Variants in MYO16 observed in about 807,000 individuals in gnomAD.
The protein encoded by MYO16 is unconventional myosin-XVI.
A neutral mutation model predicts 205.3 loss-of-function variants in MYO16; 94 were observed. The ratio of observed to expected loss-of-function variants is 0.46; its 90% CI spans 0.39 to 0.54. The LOEUF (loss-of-function observed/expected upper bound fraction) is 0.54. Ranked by LOEUF, MYO16 falls within the 20% of genes least tolerant of loss-of-function variation. The probability of loss-of-function intolerance (pLI) is 0.00; values close to 1 mark genes in which losing one functional copy is unlikely to be tolerated. For missense variants in MYO16, 2,315 were observed against 2,387.5 expected, an observed-to-expected ratio of 0.97 and a Z score of 0.63; for synonymous variants, 988 against 954.0, an observed-to-expected ratio of 1.04 and a Z score of -0.66.
intron 31 of MYO16, among the ~76,000 whole-genome samples, chr13:109,130,488 CT>C (rs1876481958): frequency 6.6e-6 from 1 of 152,248 alleles, no homozygotes; most frequent in African/African-American, 2.4e-5. Context: ...GCTCTCAATA[CT>C]GTATATTTTT....
At chr13:108,932,917 G>C (rs1882322816) in intron 16 of MYO16, among the ~76,000 whole-genome samples, 1 of 152,098 alleles carries the variant, frequency 6.6e-6, no homozygotes, top group Admixed American at 6.6e-5. Context: ...TGAGATGTCA[G>C]CTCTCCTTTT....
rs144304625 is a variant in MYO16 at position 108,799,949 on chromosome 13, T to C, written c.741+6309T>C. ...TTTTAACTGAGCCCTCTTTAGATGG[T>C]ATCTAGCTCTCTGACCAAGAATTTG... On this transcript the variant is annotated intron_variant, in intron 6 of 34. Transcript: ENST00000457511. 2.1e-3 allele frequency among the ~76,000 whole-genome samples: 324 copies of C among 152,288 alleles called. 2 individuals are homozygous for C. The highest frequency in any genetic ancestry group is 7.4e-3 in the African/African-American group (306 of 41,542).
chr13:108,613,088 T>A (rs1879233472), intron 1 of MYO16, among the ~76,000 whole-genome samples: 1 of 152,146 alleles, frequency 6.6e-6, no homozygotes, highest in Non-Finnish European at 1.5e-5. Context: ...AAGATGGGAT[T>A]GATTATGGCA....
At position 109,199,192 on chromosome 13, in the gene MYO16, GTATATATATATATATATATATA is replaced by G. The variant is rs4000581; in HGVS notation, c.5416-7390_5416-7369del. Among the ~76,000 whole-genome samples, 2,841 of 75,594 alleles carry G rather than the reference GTATATATATATATATATATATA, an allele frequency of 0.038. 336 individuals are homozygous for G. The East Asian group carries it at 0.49, about 13-fold the overall frequency. 49.6% of individuals were successfully genotyped at this position (75,594 alleles called of 152,430 possible). On this transcript the variant is annotated intron_variant, in intron 34 of 34. Coordinates refer to ENST00000457511, the MANE Select transcript of MYO16 (RefSeq NM_001198950.3). Reference sequence around the variant, plus strand: ...TCAAGTAAATGGTTTAATAAAAAAGGTATATATATATATATATATATATATATATATATATATATATATATAT... The same window carrying G: ...TCAAGTAAATGGTTTAATAAAAAAGGTATATATATATATATATATATATAT...
chr13:108,708,058 G>T (rs1263524229), intron 2 of MYO16, among the ~76,000 whole-genome samples: 2 of 152,142 alleles, frequency 1.3e-5, no homozygotes, highest in Non-Finnish European at 2.9e-5. Flanking sequence ...TTTCACAGAG[G>T]GTGAGGGGGT....
intron 2 of MYO16, among the ~76,000 whole-genome samples, chr13:108,670,886 A>T (rs1881957009): frequency 6.6e-6 from 1 of 152,212 alleles, no homozygotes; most frequent in Non-Finnish European, 1.5e-5. Flanking sequence ...TTGTTACATA[A>T]TTAAAATCTG....
chr13:109,017,390 C>T (rs1326145865), intron 22 of MYO16, among the ~76,000 whole-genome samples: 1 of 152,104 alleles, frequency 6.6e-6, no homozygotes, highest in Non-Finnish European at 1.5e-5. Flanking sequence ...CTCTGGCTAC[C>T]CTTAGAATTT....
At chr13:108,727,657 T>G in intron 4 of MYO16, 74 bp downstream of exon 4, 1 of 1,488,992 alleles carries the variant, frequency 6.7e-7, no homozygotes, top group Non-Finnish European at 9.1e-7. Flanking sequence ...ACTAATGCTA[T>G]TTTACAATAT....
the MYO16 span, among the ~76,000 whole-genome samples, chr13:108,545,715 C>T: frequency 6.6e-6 from 1 of 152,038 alleles, no homozygotes; most frequent in East Asian, 1.9e-4. Flanking sequence ...TGAGATGGCA[C>T]ATCACTGTAG....
At chr13:109,036,477 TG>T in intron 23 of MYO16, among the ~76,000 whole-genome samples, 1 of 152,314 alleles carries the variant, frequency 6.6e-6, no homozygotes, top group South Asian at 2.1e-4. Context: ...ATTGCAGTGC[TG>T]GAGTGTTACA....
intron 5 of MYO16, among the ~76,000 whole-genome samples, chr13:108,787,836 A>G (rs1423190213): frequency 6.6e-6 from 1 of 152,232 alleles, no homozygotes; most frequent in Non-Finnish European, 1.5e-5. Flanking sequence ...CCATGCCTTC[A>G]CATCCATCTG....
At chr13:108,570,232 T>G in the MYO16 span, among the ~76,000 whole-genome samples, 1 of 152,024 alleles carries the variant, frequency 6.6e-6, no homozygotes, top group Non-Finnish European at 1.5e-5. Flanking sequence ...TTCCTTCTGT[T>G]CTTCCTTTTC....
chr13:108,807,265 G>A (rs1312172612), intron 7 of MYO16, among the ~76,000 whole-genome samples: 1 of 152,016 alleles, frequency 6.6e-6, no homozygotes, highest in Non-Finnish European at 1.5e-5. Flanking sequence ...TAGTAAATTT[G>A]TAGTAAGTTA....
At chr13:108,627,928 G>A (rs921721563), upstream of MYO16, among the ~76,000 whole-genome samples, 1 of 152,148 alleles carries the variant, frequency 6.6e-6, no homozygotes, top group African/African-American at 2.4e-5. Flanking sequence ...ATTGTATTAA[G>A]AGAAGGGGGT....
intron 9 of MYO16, among the ~76,000 whole-genome samples, chr13:108,839,161 G>C (rs1877101506): frequency 6.6e-6 from 1 of 152,058 alleles, no homozygotes; most frequent in Admixed American, 6.6e-5. Flanking sequence ...GAGGGGCTCA[G>C]AGTGCTAGCT....
chr13:108,743,887 T>G (rs1272115796), intron 4 of MYO16, among the ~76,000 whole-genome samples: 2 of 152,274 alleles, frequency 1.3e-5, no homozygotes, highest in African/African-American at 2.4e-5. Context: ...AGACAATTCC[T>G]AGGTTAAATA....
chr13:108,586,347 TA>T, the MYO16 span, among the ~76,000 whole-genome samples: 1 of 151,900 alleles, frequency 6.6e-6, no homozygotes, highest in African/African-American at 2.4e-5. Flanking sequence ...ACTATTTTTT[TA>T]AAAAATATAT....
intron 27 of MYO16, among the ~76,000 whole-genome samples, chr13:109,088,657 T>A (rs1475286719): frequency 6.6e-6 from 1 of 152,224 alleles, no homozygotes; most frequent in Admixed American, 6.5e-5. Context: ...GTGCTGCGGA[T>A]GCGGTGCCTG....
At chr13:109,097,072 G>A (rs1888801014) in intron 27 of MYO16, among the ~76,000 whole-genome samples, 1 of 152,210 alleles carries the variant, frequency 6.6e-6, no homozygotes, top group Non-Finnish European at 1.5e-5. Flanking sequence ...GCTCACACCT[G>A]TAATCCCAGC....
Sources: gnomAD v4.1 joint callset for allele counts (sites outside exome capture counted in the v4.1 genomes callset) on GRCh38, gnomAD v4.1.1 for gene constraint, MANE v1.5 for transcripts, NCBI Gene and HGNC (gene_info 2026-07-23, HGNC 2026-07-21) for gene names.